The following MACROD2 variants were observed in gnomAD, a reference collection of about 807,000 sequenced individuals.
MACROD2 encodes ADP-ribose glycohydrolase MACROD2.
In MACROD2, 36 loss-of-function variants were observed where a neutral mutation model predicts 70.4. The ratio of observed to expected loss-of-function variants is 0.51; its 90% CI spans 0.39 to 0.68. The LOEUF is 0.68. MACROD2 is among the 30% of genes least tolerant of loss of function. The probability of loss-of-function intolerance (pLI) is 0.00; values close to 1 mark genes in which losing one functional copy is unlikely to be tolerated. For missense variants in MACROD2, 496 were observed against 538.4 expected, an observed-to-expected ratio of 0.92 and a Z score of 0.78; for synonymous variants, 172 against 178.8, an observed-to-expected ratio of 0.96 and a Z score of 0.30.
chr20:14,953,708 G>A (rs1032323406), intron 5 of MACROD2, among the ~76,000 whole-genome samples: 8 of 152,298 alleles, frequency 5.3e-5, no homozygotes, highest in African/African-American at 1.7e-4. Flanking sequence ...AATAGCTAGC[G>A]AGTCTTGAAC....
chr20:15,660,693 A>G (rs539871187), intron 8 of MACROD2, among the ~76,000 whole-genome samples: 7 of 152,276 alleles, frequency 4.6e-5, no homozygotes, highest in Admixed American at 3.9e-4. Context: ...GTAATGTCAC[A>G]TTTACTTTAA....
chr20:14,147,980 G>A (rs1007732553), intron 3 of MACROD2, among the ~76,000 whole-genome samples: 2 of 152,046 alleles, frequency 1.3e-5, no homozygotes, highest in Non-Finnish European at 2.9e-5. Flanking sequence ...GATCTTTTGA[G>A]TCTTAATAAG....
intron 5 of MACROD2, among the ~76,000 whole-genome samples, chr20:15,095,073 T>C (rs1190733855): frequency 1.4e-4 from 9 of 63,338 alleles, no homozygotes; most frequent in African/African-American, 6.8e-4. Flanking sequence ...TCTTTTTTTT[T>C]TTTTTTTTTT....
At chr20:14,809,864 C>T (rs2072687946) in intron 5 of MACROD2, among the ~76,000 whole-genome samples, 1 of 152,014 alleles carries the variant, frequency 6.6e-6, no homozygotes, top group Non-Finnish European at 1.5e-5. Flanking sequence ...GACACATACA[C>T]TGCCCCCGCA....
intron 8 of MACROD2, among the ~76,000 whole-genome samples, chr20:15,758,850 G>T (rs913498392): frequency 1.7e-4 from 25 of 150,342 alleles, no homozygotes; most frequent in Non-Finnish European, 3.2e-4. Flanking sequence ...GCCTAATTCG[G>T]TTTATTAAAG....
intron 5 of MACROD2, among the ~76,000 whole-genome samples, chr20:14,955,848 T>C (rs930608875): frequency 6.6e-6 from 1 of 151,984 alleles, no homozygotes; most frequent in African/African-American, 2.4e-5. Flanking sequence ...CTGGGATAAA[T>C]AAAAGAAAGG....
chr20:14,974,380 A>G lies in MACROD2; in HGVS notation c.419-255560A>G, dbSNP rs560030661. Among the ~76,000 whole-genome samples the G allele has an allele frequency of 3.3e-5, 5 of 152,306 alleles. No homozygotes were observed. In the East Asian group the frequency reaches 9.7e-4, roughly 29 times the overall value. On this transcript the variant is annotated intron_variant, in intron 5 of 17. Transcript: ENST00000684519. Reference sequence around the variant, plus strand: ...GTGGTGCTGTCATGAATGTCAGGAAATGACAATGGGTGGAGTATGTCACGG... The same window carrying G: ...GTGGTGCTGTCATGAATGTCAGGAAGTGACAATGGGTGGAGTATGTCACGG...
chr20:14,140,544 G>T (rs2054857161), intron 3 of MACROD2, among the ~76,000 whole-genome samples: 1 of 152,188 alleles, frequency 6.6e-6, no homozygotes, highest in South Asian at 2.1e-4. Context: ...TACATATCTT[G>T]CAGATGAACC....
intron 7 of MACROD2, among the ~76,000 whole-genome samples, chr20:15,440,148 C>G (rs907141610): frequency 2.0e-5 from 3 of 152,142 alleles, no homozygotes; most frequent in Non-Finnish European, 2.9e-5. Flanking sequence ...CAGAAATCGA[C>G]TCCTGGCTGA....
At chr20:16,038,694 T>G (rs1486134832) in intron 15 of MACROD2, among the ~76,000 whole-genome samples, 1 of 151,988 alleles carries the variant, frequency 6.6e-6, no homozygotes, top group Admixed American at 6.6e-5. Flanking sequence ...CTCTGATGTC[T>G]ATCCATATGT....
chr20:16,024,368 G>T (rs1220920008), intron 15 of MACROD2, among the ~76,000 whole-genome samples: 2 of 152,118 alleles, frequency 1.3e-5, no homozygotes, highest in African/African-American at 4.8e-5. Context: ...TCAATGTGAA[G>T]ATGTAGAAAA....
chr20:14,450,722 G>A (rs1467593724), intron 3 of MACROD2, among the ~76,000 whole-genome samples: 1 of 152,066 alleles, frequency 6.6e-6, no homozygotes, highest in Non-Finnish European at 1.5e-5. Flanking sequence ...ACCCAGAAAC[G>A]TGTTTTTCTC....
At chr20:15,640,360 C>T (rs1029801223) in intron 8 of MACROD2, among the ~76,000 whole-genome samples, 9 of 152,152 alleles carry the variant, frequency 5.9e-5, no homozygotes, top group Non-Finnish European at 1.0e-4. Flanking sequence ...GAGACAAAGA[C>T]GGTGAGACCC....
chr20:15,234,012 C>CTTTTTTTTTTT (rs1177498607), intron 6 of MACROD2, among the ~76,000 whole-genome samples: 2 of 29,184 alleles, frequency 6.9e-5, no homozygotes, highest in African/African-American at 1.6e-4. Context: ...TATATATATT[C>CTTTTTTTTTTT]TTTTTTTTTT....
chr20:15,697,490 A>G (rs1176328927), intron 8 of MACROD2, among the ~76,000 whole-genome samples: 1 of 152,084 alleles, frequency 6.6e-6, no homozygotes, highest in African/African-American at 2.4e-5. Flanking sequence ...TCTATCTTGG[A>G]GAAAGTTCCA....
rs973237606 is a variant in MACROD2 at position 15,322,636 on chromosome 20, G to A, written c.540+92575G>A. On this transcript the variant is annotated intron_variant, in intron 6 of 17. Transcript: ENST00000684519. ...AAAGGAGTGAGTATTTTTGGTCAAA[G>A]TAATTTAGGTTTTATGAATGATTTC... Among the ~76,000 whole-genome samples the A allele has an allele frequency of 6.3e-4, 91 of 144,344 alleles. 8 individuals carry two copies. Among genetic ancestry groups the A allele is most frequent in the African/African-American group, 2.0e-3 (83 of 40,496 alleles). 94.7% of individuals were successfully genotyped at this position (144,344 alleles called of 152,430 possible). A position where few individuals can be genotyped will look rare whatever the true frequency, so the allele number is the denominator to read the frequency against.
Position 14,206,329 on chromosome 20 carries a change from C to G in MACROD2, c.271+120601C>G, listed in dbSNP as rs530847279. On this transcript the variant is annotated intron_variant, in intron 3 of 17. Transcript: ENST00000684519. ...CTGTGGAACTGATGGGGCAGAAACT[C>G]TAGAGGAGAGTCTCAGCATTTTATC... 1.6e-4 allele frequency among the ~76,000 whole-genome samples: 24 copies of G among 152,292 alleles called. No individual in the cohort carries two copies. The South Asian group carries it at 5.0e-3, about 32-fold the overall frequency.
intron 8 of MACROD2, among the ~76,000 whole-genome samples, chr20:15,539,374 C>G (rs1012876127): frequency 3.3e-5 from 5 of 152,220 alleles, no homozygotes; most frequent in African/African-American, 1.2e-4. Flanking sequence ...GCAGAATTAT[C>G]TAAGAACACC....
rs187802238 is a variant in MACROD2, at chr20:16,022,273, G to A, written c.1154-18928G>A. 1.4e-4 allele frequency among the ~76,000 whole-genome samples: 22 copies of A among 152,112 alleles called. No individual in the cohort carries two copies. The East Asian group carries it at 3.7e-3, about 25-fold the overall frequency. ...TCACCATGTTAGCCAGGATGGTCTC[G>A]ATCTCCTGACATTGTGATCCGCCCA... is the stretch of plus-strand genomic sequence containing the variant. On this transcript the variant is annotated intron_variant, in intron 15 of 17. Transcript: ENST00000684519.
Sources: gnomAD v4.1 joint callset for allele counts (sites outside exome capture counted in the v4.1 genomes callset) on GRCh38, gnomAD v4.1.1 for gene constraint, MANE v1.5 for transcripts, NCBI Gene and HGNC (gene_info 2026-07-23, HGNC 2026-07-21) for gene names.